DLG2: variants seen among roughly 807,000 people sequenced by gnomAD.
DLG2 encodes the protein disks large homolog 2.
A neutral mutation model predicts 132.5 loss-of-function variants in DLG2; 45 were observed. The observed-to-expected ratio is 0.34, with a 90% confidence interval of 0.27 to 0.44. DLG2 has a LOEUF of 0.44. Among genes scored for constraint, DLG2 ranks in the 20% least tolerant of loss-of-function variants. DLG2 has a pLI of 1.00. For synonymous variants in DLG2, 424 were observed against 419.6 expected (o/e 1.01, Z -0.13); for missense variants, 1,045 against 1,196.9 (o/e 0.87, Z 1.87).
intron 21 of DLG2, among the ~76,000 whole-genome samples, chr11:83,492,502 T>G (rs1228293062): frequency 6.6e-6 from 1 of 152,016 alleles, no homozygotes; most frequent in Admixed American, 6.6e-5. Context: ...ATCCAATTAA[T>G]TGCCTACTCA....
chr11:83,994,205 G>T (rs562726401), intron 11 of DLG2, among the ~76,000 whole-genome samples: 1 of 152,044 alleles, frequency 6.6e-6, no homozygotes, highest in Non-Finnish European at 1.5e-5. Flanking sequence ...TTAACAGCTG[G>T]TATGAAATGA....
At chr11:85,306,666 G>A (rs1487197873) in intron 3 of DLG2, among the ~76,000 whole-genome samples, 2 of 152,162 alleles carry the variant, frequency 1.3e-5, no homozygotes, top group Admixed American at 6.5e-5. Flanking sequence ...CACCTCCTGG[G>A]TTCAGGCCAT....
intron 16 of DLG2, among the ~76,000 whole-genome samples, chr11:83,863,273 T>C (rs906693955): frequency 3.3e-5 from 5 of 152,182 alleles, no homozygotes; most frequent in Non-Finnish European, 7.4e-5. Context: ...TTTTTACATC[T>C]ACTACTATTC....
intron 3 of DLG2, among the ~76,000 whole-genome samples, chr11:85,342,883 G>T (rs2082592780): frequency 6.6e-6 from 1 of 152,080 alleles, no homozygotes; most frequent in Admixed American, 6.6e-5. Context: ...GTGTAATAAA[G>T]TAATAACATA....
chr11:83,679,183 C>G (rs1355332325), intron 18 of DLG2, among the ~76,000 whole-genome samples: 2 of 152,154 alleles, frequency 1.3e-5, no homozygotes, highest in Non-Finnish European at 2.9e-5. Flanking sequence ...ACAAAATTTT[C>G]TTTATCAATT....
chr11:85,205,624 T>A (rs1032986113), intron 4 of DLG2, among the ~76,000 whole-genome samples: 1 of 152,190 alleles, frequency 6.6e-6, no homozygotes. Flanking sequence ...ACACATTGTA[T>A]ACATGTATCA....
chr11:85,426,441 C>T (rs1176868324), intron 3 of DLG2, among the ~76,000 whole-genome samples: 2 of 152,132 alleles, frequency 1.3e-5, no homozygotes, highest in South Asian at 2.1e-4. Flanking sequence ...TCCAGAGGAA[C>T]GATCAGGCAG....
chr11:85,539,322 T>C (rs530400490), intron 3 of DLG2, among the ~76,000 whole-genome samples: 1 of 149,574 alleles, frequency 6.7e-6, no homozygotes, highest in South Asian at 2.1e-4. Context: ...TCTGGATCTA[T>C]TTCTGAAGTT....
At chr11:85,137,900 G>T (rs1365790812) in intron 5 of DLG2, among the ~76,000 whole-genome samples, 1 of 151,894 alleles carries the variant, frequency 6.6e-6, no homozygotes, top group African/African-American at 2.4e-5. Flanking sequence ...AAGAAATTAG[G>T]ATCAACTGAA....
chr11:84,876,830 A>G (rs2086424118), intron 6 of DLG2, among the ~76,000 whole-genome samples: 1 of 152,124 alleles, frequency 6.6e-6, no homozygotes, highest in African/African-American at 2.4e-5. Context: ...AGTGCTATCA[A>G]TTTCCCTCTA....
chr11:84,185,002 C>T (rs1229973616), intron 8 of DLG2, among the ~76,000 whole-genome samples: 4 of 152,084 alleles, frequency 2.6e-5, no homozygotes, highest in African/African-American at 2.4e-5. Flanking sequence ...AATCAGGTAG[C>T]GTGATGCCTC....
intron 6 of DLG2, among the ~76,000 whole-genome samples, chr11:84,954,591 T>C (rs1442692265): frequency 6.6e-6 from 1 of 152,156 alleles, no homozygotes; most frequent in Non-Finnish European, 1.5e-5. Context: ...TCATATTGAA[T>C]AGATTTTGGT....
At chr11:85,171,450 C>T (rs1051862751) in intron 4 of DLG2, among the ~76,000 whole-genome samples, 4 of 152,172 alleles carry the variant, frequency 2.6e-5, no homozygotes, top group Non-Finnish European at 5.9e-5. Flanking sequence ...GGCCTTGGAT[C>T]CGAAGCAGAG....
chr11:85,037,028 T>C (rs75882577), intron 6 of DLG2, among the ~76,000 whole-genome samples: 2,989 of 152,290 alleles, frequency 0.02, 53 homozygotes, highest in Admixed American at 0.042. Flanking sequence ...TCTTAATATA[T>C]TAATGGCTGA....
At chr11:84,104,847 G>A (rs1441860378) in intron 9 of DLG2, among the ~76,000 whole-genome samples, 1 of 151,888 alleles carries the variant, frequency 6.6e-6, no homozygotes, top group Non-Finnish European at 1.5e-5. Context: ...TTTATTGCAT[G>A]CTTATTCTAT....
intron 17 of DLG2, among the ~76,000 whole-genome samples, chr11:83,788,280 G>A (rs999974183): frequency 2.0e-5 from 3 of 152,054 alleles, no homozygotes; most frequent in Non-Finnish European, 4.4e-5. Flanking sequence ...TAATAACTTC[G>A]TTAACATCTC....
chr11:84,731,911 C>T (rs575169250), intron 6 of DLG2, among the ~76,000 whole-genome samples: 2 of 151,828 alleles, frequency 1.3e-5, no homozygotes, highest in Non-Finnish European at 2.9e-5. Flanking sequence ...TTCCACGTGC[C>T]CCTTTATAAC....
intron 18 of DLG2, chr11:83,647,914 A>G (rs956784955): frequency 1.3e-5 from 2 of 152,176 alleles, no homozygotes; most frequent in Non-Finnish European, 2.9e-5. Context: ...TGTCATCATC[A>G]CATGTTCTAT....
chr11:83,971,828 G>C (rs1377399512), intron 12 of DLG2, among the ~76,000 whole-genome samples: 1 of 152,102 alleles, frequency 6.6e-6, no homozygotes, highest in Non-Finnish European at 1.5e-5. Context: ...AATCTCCATA[G>C]TACTCTGAAA....
Sources: gnomAD v4.1 joint callset for allele counts (sites outside exome capture counted in the v4.1 genomes callset) on GRCh38, gnomAD v4.1.1 for gene constraint, MANE v1.5 for transcripts, NCBI Gene and HGNC (gene_info 2026-07-23, HGNC 2026-07-21) for gene names.